The following WNK1 variants were observed in gnomAD, a reference collection of about 807,000 sequenced individuals.
WNK1 encodes the protein WNK lysine deficient protein kinase 1, also known as serine/threonine-protein kinase WNK1.
Under a neutral mutation model 222.8 loss-of-function variants are expected in WNK1, and 38 were observed. The observed-to-expected ratio is 0.17, with a 90% CI of 0.13 to 0.22. WNK1 has a LOEUF of 0.22. Ranked by LOEUF, WNK1 falls within the 10% of genes least tolerant of loss-of-function variation. The probability of loss-of-function intolerance (pLI) is 1.00; values close to 1 mark genes in which losing one functional copy is unlikely to be tolerated. For missense variants in WNK1, 2,348 were observed against 2,918.4 expected, an observed-to-expected ratio of 0.80 and a Z score of 4.50; for synonymous variants, 1,090 against 1,092.9, an observed-to-expected ratio of 1.00 and a Z score of 0.05.
chr12:893,827 A>AAT (rs969274841), intron 22 of WNK1, among the ~76,000 whole-genome samples: 7 of 149,548 alleles, frequency 4.7e-5, no homozygotes, highest in African/African-American at 1.7e-4. Flanking sequence ...CATCTCAAAT[A>AAT]ATAATAATAA....
At chr12:904,492 G>C (rs1445540842) in intron 26 of WNK1, 1 of 1,289,126 alleles carries the variant, frequency 7.8e-7, no homozygotes, top group South Asian at 1.2e-5. Flanking sequence ...AACCAGCTCT[G>C]TAGTAATTAT....
At chr12:805,077 CT>C (rs936477060) in intron 1 of WNK1, among the ~76,000 whole-genome samples, 1 of 151,880 alleles carries the variant, frequency 6.6e-6, no homozygotes, top group Non-Finnish European at 1.5e-5. Flanking sequence ...AAAAATGCTG[CT>C]GTTAACATTG....
chr12:779,173 GAAT>G (rs1943424508), intron 1 of WNK1, among the ~76,000 whole-genome samples: 2 of 152,110 alleles, frequency 1.3e-5, no homozygotes, highest in African/African-American at 4.8e-5. Context: ...CAAAACAGTT[GAAT>G]AATGTACTCA....
chr12:879,515 T>TTTTTTTTTTTTTTTTTTTTTTTTTC, intron 10 of WNK1, 58 bp from the exon 11 acceptor site: 3 of 144,636 alleles, frequency 2.1e-5, no homozygotes, highest in South Asian at 7.2e-5. Context: ...CAGCCTTGCT[T>TTTTTTTTTTTTTTTTTTTTTTTTTC]TTTTTTTTTT....
intron 1 of WNK1, among the ~76,000 whole-genome samples, chr12:796,723 G>C (rs542260819): frequency 2.0e-5 from 3 of 152,262 alleles, no homozygotes; most frequent in Admixed American, 2.0e-4. Flanking sequence ...AATCATCCTA[G>C]ACTTCTCTTC....
At chr12:901,131 G>C (rs1442679386) in intron 26 of WNK1, 2 of 252,210 alleles carry the variant, frequency 7.9e-6, no homozygotes, top group Non-Finnish European at 1.6e-5. Context: ...ATATAGCTCT[G>C]TTTATTAGTG....
Position 880,090 on chromosome 12 carries a change from G to T in WNK1, c.2832+59G>T, listed in dbSNP as rs899736363. ...GAGTTTGATCCTAGTAGATCATCAG[G>T]AACATGGAAATCTAATAGTTGAGTG... On this transcript the variant is annotated intron_variant, in intron 11 of 27. Transcript: ENST00000315939. The T allele has an allele frequency of 3.3e-6, 5 of 1,518,484 alleles. No homozygotes were observed. The South Asian group carries it at 4.6e-5, about 14-fold the overall frequency. The allele number at this position is 1,518,484 out of a possible 1,614,324, so 94.1% of individuals were successfully genotyped here.
At chr12:808,316 G>A (rs1249263562) in intron 1 of WNK1, among the ~76,000 whole-genome samples, 1 of 151,938 alleles carries the variant, frequency 6.6e-6, no homozygotes, top group East Asian at 1.9e-4. Flanking sequence ...TGGAGACGGG[G>A]TTTTGCTATG....
chr12:818,610 C>G (rs1043752624), intron 2 of WNK1, among the ~76,000 whole-genome samples: 4 of 152,194 alleles, frequency 2.6e-5, no homozygotes, highest in Non-Finnish European at 2.9e-5. Flanking sequence ...AAACTCTATG[C>G]CCGTGGAACA....
intron 2 of WNK1, among the ~76,000 whole-genome samples, chr12:824,562 A>T (rs1948194046): frequency 6.6e-6 from 1 of 152,164 alleles, no homozygotes; most frequent in Non-Finnish European, 1.5e-5. Context: ...CCCTCCTGCT[A>T]GCTGGGATAA....
At chr12:866,945 G>A (rs542708083) in intron 8 of WNK1, among the ~76,000 whole-genome samples, 78 of 152,060 alleles carry the variant, frequency 5.1e-4, no homozygotes, top group African/African-American at 1.8e-3. Flanking sequence ...CCAACATGGC[G>A]AAATGTGTCT....
chr12:900,475 G>A lies in WNK1; in HGVS notation c.6449-1G>A. 2 of 1,614,140 alleles carry A rather than the reference G, an allele frequency of 1.2e-6. No individual in the cohort carries two copies. On this transcript the variant is annotated splice_acceptor_variant, in intron 25 of 27. Transcript: ENST00000315939. LOFTEE classifies it high-confidence loss of function. ...CCTCATGCCACTTTATCTTTTGGCA[G>A]GTAACCTGTCTGGTCAGAGTGCAGC...
In WNK1 at chr12:871,249, C is replaced by A; in HGVS notation, c.2140-16C>A. On this transcript the variant is annotated splice_polypyrimidine_tract_variant and intron_variant, in intron 8 of 27. Transcript: ENST00000315939. Reference sequence around the variant, plus strand: ...TAGGCCTTCTCTAATTTGTTGTGTTCACTTCTTTCCTTCAGGCACAGGGGC... The same window carrying A: ...TAGGCCTTCTCTAATTTGTTGTGTTAACTTCTTTCCTTCAGGCACAGGGGC... The A allele has an allele frequency of 1.2e-6, 2 of 1,613,450 alleles. No homozygotes were observed. Among genetic ancestry groups the A allele is most frequent in the South Asian group, 1.1e-5 (1 of 91,046 alleles).
Position 753,800 on chromosome 12 carries a change from T to G in WNK1, c.235T>G (p.Phe79Val). The G allele has an allele frequency of 6.2e-7, 1 of 1,612,690 alleles. No individual in the cohort carries two copies. The highest frequency in any genetic ancestry group is 2.2e-5 in the East Asian group (1 of 44,864). ...GACCACTACCACCACTGAGCACCGC[T>G]TCTTCCGCCGGAGCGTCATCTGTGA... ...AATTTTTEHR[F>V]FRRSVICDSN... The change falls in exon 1 of 28, where the codon TTC (phenylalanine) becomes GTC (valine). Residue 79 changes from phenylalanine (F) to valine (V), a missense_variant. Phe to Val is a conservative substitution (Grantham distance 50, BLOSUM62 -1). Coordinates refer to ENST00000315939, the MANE Select transcript of WNK1 (RefSeq NM_018979.4). The surrounding 1 kb of genome is among the most constrained non-coding windows in gnomAD (Gnocchi z 5.2).
At chr12:847,509 AACTT>A (rs1463259640) in intron 4 of WNK1, among the ~76,000 whole-genome samples, 2 of 152,198 alleles carry the variant, frequency 1.3e-5, no homozygotes, top group Non-Finnish European at 2.9e-5. Context: ...AGTTTGACTG[AACTT>A]ACTTTGGGGA....
rs773659432 is a variant in WNK1, at chr12:880,949, G to A, written c.3061G>A (p.Gly1021Arg). ...ACAGGTTCAAGTGTCCCAGCCAGGAGGGAGTTTAGCACAAGCCCCCACTAC... is the reference window on the plus strand; with the variant it reads ...ACAGGTTCAAGTGTCCCAGCCAGGAAGGAGTTTAGCACAAGCCCCCACTAC... The part of the protein sequence containing the change: ...GGQVQVSQPG[G>R]SLAQAPTTSS... The change falls in exon 12 of 28, where the codon GGG (glycine) becomes AGG (arginine). Residue 1021 changes from glycine to arginine, a missense_variant. Gly to Arg is a moderately radical substitution (Grantham distance 125, BLOSUM62 -2). This residue lies in a region of WNK1 where 547 missense variants were observed against 558.3 expected (regional missense o/e 0.98). Coordinates refer to ENST00000315939, the MANE Select transcript of WNK1 (RefSeq NM_018979.4). The A allele has an allele frequency of 1.9e-6, 3 of 1,614,046 alleles. No homozygotes were observed. In the South Asian group the frequency reaches 3.3e-5, roughly 18 times the overall value.
At position 883,080 on chromosome 12, in the gene WNK1, C is replaced by G. The variant is rs745812952; in HGVS notation, c.3489+21C>G. The stretch of plus-strand genomic sequence containing the variant: ...TTATGGTACGTCTGCATTTGGAGTT[C>G]TAGGTTTTTCCTTAGTACTTGATCT... On this transcript the variant is annotated intron_variant, in intron 15 of 27. Coordinates refer to ENST00000315939, the MANE Select transcript of WNK1 (RefSeq NM_018979.4). The G allele has an allele frequency of 4.5e-5, 69 of 1,525,458 alleles. No individual in the cohort carries two copies. In the South Asian group the frequency reaches 7.4e-4, roughly 16 times the overall value. 94.5% of individuals were successfully genotyped at this position (1,525,458 alleles called of 1,614,324 possible). A position where few individuals can be genotyped will look rare whatever the true frequency, so the allele number is the denominator to read the frequency against.
intron 3 of WNK1, 72 bp from the exon 4 acceptor site, chr12:829,931 T>C (rs1948667508): frequency 2.6e-6 from 4 of 1,551,962 alleles, no homozygotes; most frequent in Non-Finnish European, 3.6e-6. Flanking sequence ...TCAACCCCTC[T>C]GCTTCTCACC....
chr12:881,389 G>C (rs1953147609), intron 12 of WNK1: 1 of 470,936 alleles, frequency 2.1e-6, no homozygotes, highest in Non-Finnish European at 3.9e-6. Flanking sequence ...ACTATGCTCT[G>C]TCTGCGCTAT....
Sources: allele counts gnomAD v4.1 joint callset (sites outside exome capture counted in the v4.1 genomes callset), GRCh38; gene constraint gnomAD v4.1.1; regional missense constraint gnomAD v4.1.1; non-coding constraint Gnocchi (gnomAD v3.1); transcripts MANE v1.5; gene names NCBI Gene and HGNC (gene_info 2026-07-23, HGNC 2026-07-21).